KIF13A: variants seen among roughly 807,000 people sequenced by gnomAD.
KIF13A encodes kinesin family member 13A, also known as kinesin-like protein KIF13A.
KIF13A carries 79 observed loss-of-function variants against 212.2 expected under a neutral mutation model. The ratio of observed to expected loss-of-function variants is 0.37; its 90% confidence interval spans 0.31 to 0.45. The LOEUF (loss-of-function observed/expected upper bound fraction) is 0.45. KIF13A is among the 20% of genes least tolerant of loss of function. The pLI, the probability that KIF13A is intolerant of heterozygous loss-of-function variation, is 1.00. For synonymous variants in KIF13A, 789 were observed against 808.6 expected, an observed-to-expected ratio of 0.98 and a Z score of 0.41; for missense variants, 1,901 against 2,209.0, an observed-to-expected ratio of 0.86 and a Z score of 2.79.
At chr6:17,784,031 A>C (rs1760837726) in intron 28 of KIF13A, among the ~76,000 whole-genome samples, 1 of 152,200 alleles carries the variant, frequency 6.6e-6, no homozygotes. Context: ...AGCCTAGAGG[A>C]AGTAAACAAA....
At chr6:17,975,547 G>T (rs898863768) in intron 2 of KIF13A, among the ~76,000 whole-genome samples, 1 of 150,886 alleles carries the variant, frequency 6.6e-6, no homozygotes, top group Non-Finnish European at 1.5e-5. Flanking sequence ...AAGACCAAAA[G>T]AAAAAAAAGC....
chr6:17,876,255 T>C (rs1009295881), intron 3 of KIF13A, among the ~76,000 whole-genome samples: 1 of 152,170 alleles, frequency 6.6e-6, no homozygotes, highest in Non-Finnish European at 1.5e-5. Flanking sequence ...CCAAGAGATC[T>C]TAAGCACTGA....
chr6:17,901,135 T>G (rs1169551677), intron 2 of KIF13A, among the ~76,000 whole-genome samples: 2 of 150,936 alleles, frequency 1.3e-5, no homozygotes, highest in Non-Finnish European at 2.9e-5. Flanking sequence ...TCTACACTTT[T>G]GAGTGCAGGG....
Position 17,967,158 on chromosome 6 carries a change from C to T in KIF13A, c.146+19896G>A. Reference sequence around the variant, plus strand: ...GATAAAGCAAAACAGAAAATTTCAACAAGGCAGAACTTTGTCTTGGACTAA... The same window carrying T: ...GATAAAGCAAAACAGAAAATTTCAATAAGGCAGAACTTTGTCTTGGACTAA... On this transcript the variant is annotated intron_variant, in intron 2 of 38. Transcript: ENST00000259711. The surrounding 1 kb of genome is among the most constrained non-coding windows in gnomAD (Gnocchi z 4.1). Among the ~76,000 whole-genome samples the T allele has an allele frequency of 6.6e-6, 1 of 152,190 alleles. No individual in the cohort carries two copies. The highest frequency in any genetic ancestry group is 1.9e-4 in the East Asian group (1 of 5,196).
At chr6:17,933,461 C>T (rs1482437728) in intron 2 of KIF13A, among the ~76,000 whole-genome samples, 1 of 134,836 alleles carries the variant, frequency 7.4e-6, no homozygotes, top group Non-Finnish European at 1.5e-5. Context: ...CCAGGCTGGT[C>T]TCAAACTCCT....
chr6:17,806,908 G>A (rs1763013707), intron 18 of KIF13A, among the ~76,000 whole-genome samples: 1 of 152,162 alleles, frequency 6.6e-6, no homozygotes, highest in Non-Finnish European at 1.5e-5. Flanking sequence ...GGAAGTCAGG[G>A]ACCCCAAACG....
rs987699870 is a variant in KIF13A at position 17,892,731 on chromosome 6, G to A, written c.159+5437C>T. 5.3e-5 allele frequency among the ~76,000 whole-genome samples: 8 copies of A among 152,174 alleles called. No individual in the cohort carries two copies. Among genetic ancestry groups the A allele is most frequent in the Non-Finnish European group, 1.2e-4 (8 of 68,040 alleles). On this transcript the variant is annotated intron_variant, in intron 3 of 38. Transcript: ENST00000259711. The surrounding 1 kb of genome is among the most constrained non-coding windows in gnomAD (Gnocchi z 4.7). ...TAAACATCCCTAAACTACAAGGATG[G>A]GAGAGCATCTGGGTTGCTGAACACA...
At chr6:17,985,073 A>G (rs557341990) in intron 2 of KIF13A, among the ~76,000 whole-genome samples, 1 of 152,366 alleles carries the variant, frequency 6.6e-6, no homozygotes, top group South Asian at 2.1e-4. Context: ...CTAATGTACA[A>G]GGAGCACTGT....
Position 17,838,641 on chromosome 6 carries a change from T to A in KIF13A, c.831-1058A>T, listed in dbSNP as rs1294284180. ...TCTTAAGTGAAACAAGTCAAAAAAA[T>A]TAAAATAAAAATATATAAAAGAAAC... On this transcript the variant is annotated intron_variant, in intron 9 of 38. Transcript: ENST00000259711. The surrounding 1 kb of genome is among the most constrained non-coding windows in gnomAD (Gnocchi z 4.2). Among the ~76,000 whole-genome samples, 1 of 151,684 alleles carries A rather than the reference T, an allele frequency of 6.6e-6. No individual in the cohort carries two copies. The highest frequency in any genetic ancestry group is 1.5e-5 in the Non-Finnish European group (1 of 67,946).
intron 13 of KIF13A, among the ~76,000 whole-genome samples, chr6:17,830,481 G>T (rs1277272940): frequency 6.6e-6 from 1 of 152,158 alleles, no homozygotes; most frequent in African/African-American, 2.4e-5. Context: ...GTGTAAATGG[G>T]TTCTGAAGTC....
chr6:17,848,815 C>A (rs1423402761), intron 9 of KIF13A, among the ~76,000 whole-genome samples: 4 of 151,996 alleles, frequency 2.6e-5, no homozygotes, highest in Admixed American at 6.6e-5. Context: ...GTCACGTTGC[C>A]CAGGCTAGTC....
intron 38 of KIF13A, among the ~76,000 whole-genome samples, chr6:17,766,664 C>T (rs1257945891): frequency 1.3e-5 from 2 of 152,138 alleles, no homozygotes; most frequent in Non-Finnish European, 2.9e-5. Flanking sequence ...AAGCAATCCT[C>T]CAATCTCTGC....
In KIF13A at chr6:17,900,741, T is replaced by C. The variant is rs1303131158; in HGVS notation, c.147-2561A>G. Among the ~76,000 whole-genome samples the C allele has an allele frequency of 1.3e-5, 2 of 152,184 alleles. No individual in the cohort carries two copies. Among genetic ancestry groups the C allele is most frequent in the South Asian group, 2.1e-4 (1 of 4,832 alleles). Reference sequence around the variant, plus strand: ...ATACACCCTGTAATTCATTCATTGATACACCTTTCTTAAGGTTTCTAAGGG... The same window carrying C: ...ATACACCCTGTAATTCATTCATTGACACACCTTTCTTAAGGTTTCTAAGGG... On this transcript the variant is annotated intron_variant, in intron 2 of 38. Coordinates refer to ENST00000259711, the MANE Select transcript of KIF13A (RefSeq NM_022113.6). The surrounding 1 kb of genome is among the most constrained non-coding windows in gnomAD (Gnocchi z 4.6).
At chr6:17,910,014 T>C (rs1002596547) in intron 2 of KIF13A, among the ~76,000 whole-genome samples, 6 of 152,200 alleles carry the variant, frequency 3.9e-5, no homozygotes, top group Non-Finnish European at 8.8e-5. Context: ...CCAAGAGCAG[T>C]ATGCTACAAA....
chr6:17,828,275 A>AATG lies in KIF13A; in HGVS notation c.1496_1497insCAT (p.Asp499_Gly500insIle), dbSNP rs1562025838. On this transcript the variant is annotated inframe_insertion, in exon 14 of 39. Coordinates refer to ENST00000259711, the MANE Select transcript of KIF13A (RefSeq NM_022113.6). This position sits in a 1 kb window ranked among gnomAD's most constrained non-coding sequence, Gnocchi z 4.3. ...CTTTTGGAGTGAGAGTGACGTCTCCATCAGATGCAATGTCAATCTCACAGT... is the reference window on the plus strand; with the variant it reads ...CTTTTGGAGTGAGAGTGACGTCTCCAATGTCAGATGCAATGTCAATCTCACAGT... The AATG allele has an allele frequency of 6.2e-7, 1 of 1,610,298 alleles. No homozygotes were observed. The highest frequency in any genetic ancestry group is 1.1e-5 in the South Asian group (1 of 90,186).
chr6:17,946,382 T>C (rs1777398145), intron 2 of KIF13A, among the ~76,000 whole-genome samples: 1 of 151,224 alleles, frequency 6.6e-6, no homozygotes, highest in Admixed American at 6.6e-5. Flanking sequence ...AGATTTTGCA[T>C]ATAACAAAAG....
At chr6:17,833,549 A>G (rs1208717937) in intron 12 of KIF13A, among the ~76,000 whole-genome samples, 1 of 149,936 alleles carries the variant, frequency 6.7e-6, no homozygotes, top group Non-Finnish European at 1.5e-5. Flanking sequence ...GTTCAGCAGA[A>G]AAGGGCCCTT....
chr6:17,903,672 G>A (rs1345958937), intron 2 of KIF13A, among the ~76,000 whole-genome samples: 1 of 152,182 alleles, frequency 6.6e-6, no homozygotes, highest in Non-Finnish European at 1.5e-5. Flanking sequence ...GAAGAGAGAG[G>A]ATCTGGAAAG....
rs1320683838 is a variant in KIF13A, at chr6:17,840,921, C to T, written c.831-3338G>A. ...ACATTTCCATTTGTAGAGGTGTCTC[C>T]CTCTCTAGCACCAAGAAGGGAAGTA... is the stretch of plus-strand genomic sequence containing the variant. On this transcript the variant is annotated intron_variant, in intron 9 of 38. Coordinates refer to ENST00000259711, the MANE Select transcript of KIF13A (RefSeq NM_022113.6). Among the ~76,000 whole-genome samples, 3 of 151,932 alleles carry T rather than the reference C, an allele frequency of 2.0e-5. No homozygotes were observed. The East Asian group carries it at 5.8e-4, about 29-fold the overall frequency.
Sources: allele counts gnomAD v4.1 joint callset (sites outside exome capture counted in the v4.1 genomes callset), GRCh38; gene constraint gnomAD v4.1.1; non-coding constraint Gnocchi (gnomAD v3.1); transcripts MANE v1.5; gene names NCBI Gene and HGNC (gene_info 2026-07-23, HGNC 2026-07-21).